The following TAFA5 variants were observed in gnomAD, a reference collection of about 807,000 sequenced individuals.
TAFA5 encodes TAFA chemokine like family member 5, also known as chemokine-like protein TAFA-5.
Under a neutral mutation model 15.3 loss-of-function variants are expected in TAFA5, and 6 were observed. The observed-to-expected ratio is 0.39, with a 90% confidence interval of 0.21 to 0.77. The LOEUF (loss-of-function observed/expected upper bound fraction) is 0.77, where lower values mean the gene tolerates loss of function less well. Among genes scored for constraint, TAFA5 ranks in the 30% least tolerant of loss-of-function variants. TAFA5 has a pLI of 0.41. For synonymous variants in TAFA5, 103 were observed against 80.7 expected (o/e 1.28, Z -1.48); for missense variants, 161 against 193.1 (o/e 0.83, Z 0.98).
In TAFA5 at chr22:48,735,942, T is replaced by C. The variant is rs1233472080; in HGVS notation, c.391-13897T>C. Among the ~76,000 whole-genome samples the C allele has an allele frequency of 9.8e-4, 142 of 144,270 alleles. 3 individuals are homozygous for C. Among genetic ancestry groups the C allele is most frequent in the African/African-American group, 3.6e-3 (136 of 37,600 alleles). The allele number at this position is 144,270 out of a possible 152,430, so 94.6% of individuals were successfully genotyped here. A position where few individuals can be genotyped will look rare whatever the true frequency, so the allele number is the denominator to read the frequency against. ...CCCCCAGGAGGAATGAGAATCGCAC[T>C]CCTAGAGTCCAGAGTCCATCCCCCC... On this transcript the variant is annotated intron_variant, in intron 3 of 3. Transcript: ENST00000402357.
intron 1 of TAFA5, among the ~76,000 whole-genome samples, chr22:48,624,733 C>T (rs1361980420): frequency 6.6e-6 from 1 of 152,134 alleles, no homozygotes; most frequent in African/African-American, 2.4e-5. Flanking sequence ...TCCTGTCTAG[C>T]TCCTGTCCTA....
At chr22:48,631,153 G>A (rs944564992) in intron 1 of TAFA5, among the ~76,000 whole-genome samples, 1 of 152,246 alleles carries the variant, frequency 6.6e-6, no homozygotes, top group African/African-American at 2.4e-5. Flanking sequence ...GGGGACCGGG[G>A]CTGGGATGAC....
At chr22:48,528,872 C>T (rs1176456215) in intron 1 of TAFA5, among the ~76,000 whole-genome samples, 3 of 152,216 alleles carry the variant, frequency 2.0e-5, no homozygotes, top group South Asian at 4.2e-4. Flanking sequence ...GCCCAGAGGC[C>T]CTGCTCTGGG....
chr22:48,740,803 G>GC (rs1930158502), intron 3 of TAFA5, among the ~76,000 whole-genome samples: 1 of 152,140 alleles, frequency 6.6e-6, no homozygotes. Flanking sequence ...CTGAGGACAT[G>GC]CCCCCGGCAG....
intron 2 of TAFA5, among the ~76,000 whole-genome samples, chr22:48,655,284 C>T (rs1221276169): frequency 1.3e-5 from 2 of 152,208 alleles, no homozygotes; most frequent in East Asian, 3.8e-4. Flanking sequence ...CTTTTGTGTG[C>T]TTCAGTCATT....
rs921208770 is a variant in TAFA5, at chr22:48,552,608, C to T, written c.112+62904C>T. On this transcript the variant is annotated intron_variant, in intron 1 of 3. Transcript: ENST00000402357. The surrounding 1 kb of genome is among the most constrained non-coding windows in gnomAD (Gnocchi z 4.1). Reference sequence around the variant, plus strand: ...TGGATCGATCATCTAGAACCCCCGTCGCAGGGCTCGGAGTTGCGGGCAGGG... The same window carrying T: ...TGGATCGATCATCTAGAACCCCCGTTGCAGGGCTCGGAGTTGCGGGCAGGG... Among the ~76,000 whole-genome samples, 1 of 152,168 alleles carries T rather than the reference C, an allele frequency of 6.6e-6. No individual in the cohort carries two copies. The highest frequency in any genetic ancestry group is 1.5e-5 in the Non-Finnish European group (1 of 68,030).
intron 1 of TAFA5, among the ~76,000 whole-genome samples, chr22:48,606,118 G>A (rs1925185293): frequency 6.6e-6 from 1 of 152,178 alleles, no homozygotes; most frequent in Non-Finnish European, 1.5e-5. Flanking sequence ...TGCCCCAAGA[G>A]CCCCATGAGA....
At chr22:48,495,127 C>T (rs1025633394) in intron 1 of TAFA5, among the ~76,000 whole-genome samples, 16 of 152,228 alleles carry the variant, frequency 1.1e-4, no homozygotes, top group African/African-American at 3.9e-4. Context: ...GGCGTGTCAC[C>T]TGCCATGGGG....
chr22:48,735,039 C>T (rs781558268), intron 3 of TAFA5, among the ~76,000 whole-genome samples: 1 of 152,218 alleles, frequency 6.6e-6, no homozygotes, highest in South Asian at 2.1e-4. Context: ...TGACAGCAAA[C>T]GCCTGACCCT....
chr22:48,539,346 A>C (rs1305370450), intron 1 of TAFA5: 1 of 471,024 alleles, frequency 2.1e-6, no homozygotes, highest in Non-Finnish European at 4.4e-6. Context: ...CCCTAATAGG[A>C]CATGGGCTCC....
intron 2 of TAFA5, among the ~76,000 whole-genome samples, chr22:48,653,338 C>T (rs906005297): frequency 3.9e-5 from 6 of 152,172 alleles, no homozygotes; most frequent in Non-Finnish European, 4.4e-5. Context: ...ACCCTGCCCC[C>T]GGTTCCCTAG....
intron 1 of TAFA5, among the ~76,000 whole-genome samples, chr22:48,494,581 T>C (rs1928262549): frequency 6.6e-6 from 1 of 152,210 alleles, no homozygotes; most frequent in Non-Finnish European, 1.5e-5. Flanking sequence ...GTGTCTCTTC[T>C]TAAATGCTGC....
At chr22:48,623,258 G>A (rs1009408562) in intron 1 of TAFA5, among the ~76,000 whole-genome samples, 61 of 148,206 alleles carry the variant, frequency 4.1e-4, no homozygotes, top group African/African-American at 1.5e-3. Flanking sequence ...GTGGCCCTGC[G>A]CGGTGACCTG....
chr22:48,611,181 C>T (rs113528635), intron 1 of TAFA5, among the ~76,000 whole-genome samples: 2,191 of 152,282 alleles, frequency 0.014, 37 homozygotes, highest in African/African-American at 0.05. Flanking sequence ...GCGATCCGCC[C>T]GCCTTGGCCT....
rs868588229 is a variant in TAFA5, at chr22:48,658,363, G to C, written c.262+11617G>C. Among the ~76,000 whole-genome samples the C allele has an allele frequency of 5.3e-5, 8 of 152,252 alleles. No homozygotes were observed. In the South Asian group the frequency reaches 1.7e-3, roughly 31 times the overall value. The stretch of plus-strand genomic sequence containing the variant: ...TTGTCCCGAGCCTGCAGCGTTGCTT[G>C]TCCATGGCAGACGCCAGATGGATGT... On this transcript the variant is annotated intron_variant, in intron 2 of 3. Coordinates refer to ENST00000402357, the MANE Select transcript of TAFA5 (RefSeq NM_001082967.3).
At chr22:48,557,188 T>A (rs1433395335) in intron 1 of TAFA5, among the ~76,000 whole-genome samples, 1 of 152,106 alleles carries the variant, frequency 6.6e-6, no homozygotes, top group Non-Finnish European at 1.5e-5. Context: ...CCTCAGAACA[T>A]GACTGTACTT....
chr22:48,632,548 A>T (rs1020862793), intron 1 of TAFA5, among the ~76,000 whole-genome samples: 5 of 151,128 alleles, frequency 3.3e-5, no homozygotes, highest in Non-Finnish European at 5.9e-5. Context: ...CCTTGCGGGG[A>T]TACTAGGGTG....
rs1421049552 is a variant in TAFA5, at chr22:48,666,147, G to C, written c.262+19401G>C. ...GGCCACTGTGTGCCCTGGGTCCCCA[G>C]AGGGGAGCTGAGCTGACCCTGCAGA... On this transcript the variant is annotated intron_variant, in intron 2 of 3. Transcript: ENST00000402357. Among the ~76,000 whole-genome samples the C allele has an allele frequency of 2.0e-5, 3 of 152,164 alleles. No homozygotes were observed. The East Asian group carries it at 5.8e-4, about 29-fold the overall frequency.
At chr22:48,596,857 G>T (rs1373922320) in intron 1 of TAFA5, among the ~76,000 whole-genome samples, 1 of 152,132 alleles carries the variant, frequency 6.6e-6, no homozygotes, top group Non-Finnish European at 1.5e-5. Flanking sequence ...CACCCAAGCT[G>T]GAGTGCAGTG....
Sources: allele counts gnomAD v4.1 joint callset (sites outside exome capture counted in the v4.1 genomes callset), GRCh38; gene constraint gnomAD v4.1.1; non-coding constraint Gnocchi (gnomAD v3.1); transcripts MANE v1.5; gene names NCBI Gene and HGNC (gene_info 2026-07-23, HGNC 2026-07-21).